BTK: variants seen among roughly 807,000 people sequenced by gnomAD.
BTK encodes the protein tyrosine-protein kinase BTK.
A neutral mutation model predicts 57.4 loss-of-function variants in BTK; 5 were observed. The ratio of observed to expected loss-of-function variants is 0.09; its 90% CI spans 0.05 to 0.18. The LOEUF (loss-of-function observed/expected upper bound fraction) is 0.18. Among genes scored for constraint, BTK ranks in the 10% least tolerant of loss-of-function variants. BTK has a pLI of 1.00. For synonymous variants in BTK, 154 were observed against 174.3 expected (o/e 0.88, Z 0.92); for missense variants, 194 against 501.2 (o/e 0.39, Z 5.85).
Position 101,349,620 on chromosome X carries a change from C to T in BTK, c.*265G>A, listed in dbSNP as rs1926205331. Reference sequence around the variant, plus strand: ...CCTTTGTGCGGCTATTTACATCCTCCCTCCTAAAAAATATTTTCATCGCAA... The same window carrying T: ...CCTTTGTGCGGCTATTTACATCCTCTCTCCTAAAAAATATTTTCATCGCAA... On this transcript the variant is annotated 3_prime_UTR_variant, in exon 19 of 19. Coordinates refer to ENST00000308731, the MANE Select transcript of BTK (RefSeq NM_000061.3). 1 of 350,753 alleles carries T rather than the reference C, an allele frequency of 2.9e-6. No homozygotes were observed. The highest frequency in any genetic ancestry group is 2.6e-5 in the African/African-American group (1 of 38,861). 28.9% of individuals were successfully genotyped at this position (350,753 alleles called of 1,213,427 possible).
At chrX:101,388,043 T>C (rs1172462780), upstream of BTK, among the ~76,000 whole-genome samples, 6 of 110,865 alleles carry the variant, frequency 5.4e-5, no homozygotes, top group East Asian at 1.7e-3. Context: ...ATTTTTTGTA[T>C]TTTTAGTAGA....
intron 1 of BTK, among the ~76,000 whole-genome samples, chrX:101,385,216 C>T (rs1555982338): frequency 1.8e-5 from 2 of 110,586 alleles, no homozygotes; most frequent in African/African-American, 6.6e-5. Flanking sequence ...TGGTAATCAA[C>T]AGAACAGAGG....
chrX:101,358,538 G>A, intron 11 of BTK, 79 bp downstream of exon 11: 1 of 1,175,276 alleles, frequency 8.5e-7, no homozygotes, highest in Non-Finnish European at 1.2e-6. Flanking sequence ...AGAGGAAGTG[G>A]GACGGGCACA....
intron 15 of BTK, chrX:101,355,601 C>G (rs577736799): frequency 8.6e-6 from 1 of 116,757 alleles, no homozygotes; most frequent in Admixed American, 8.6e-5. Context: ...TTTTTTTAAG[C>G]GAAATGTTTC....
At chrX:101,365,789 G>C (rs782258038) in intron 5 of BTK, among the ~76,000 whole-genome samples, 1 of 112,081 alleles carries the variant, frequency 8.9e-6, no homozygotes, top group Non-Finnish European at 1.9e-5. Flanking sequence ...ATTAGGATAG[G>C]TTCTATTGAG....
intron 1 of BTK, among the ~76,000 whole-genome samples, chrX:101,382,238 C>T (rs1314412153): frequency 9.1e-6 from 1 of 110,425 alleles, no homozygotes; most frequent in South Asian, 3.8e-4. Flanking sequence ...TGCATGCTGA[C>T]CAGGGAAACT....
chrX:101,354,010 T>A (rs1474518992), intron 16 of BTK, 22 bp from the exon 17 acceptor site: 15 of 1,106,296 alleles, frequency 1.4e-5, no homozygotes, highest in Non-Finnish European at 1.9e-5. Flanking sequence ...TCAGGACTTG[T>A]TGCATTAGGA....
At chrX:101,389,824 T>C (rs1474336449), upstream of BTK, among the ~76,000 whole-genome samples, 2 of 111,993 alleles carry the variant, frequency 1.8e-5, no homozygotes, top group African/African-American at 3.2e-5. Context: ...AAACTTAACA[T>C]CTCTTGTGCC....
upstream of BTK, among the ~76,000 whole-genome samples, chrX:101,389,126 C>A (rs782708062): frequency 9.0e-6 from 1 of 111,489 alleles, no homozygotes; most frequent in African/African-American, 3.3e-5. Context: ...GTCCTCACCA[C>A]CCCCATGGTA....
At position 101,385,683 on chromosome X, in the gene BTK, G is replaced by A. The variant is rs140326970; in HGVS notation, c.-31+379C>T. Among the ~76,000 whole-genome samples the A allele has an allele frequency of 7.1e-3, 800 of 112,484 alleles. 6 individuals carry two copies. Among genetic ancestry groups the A allele is most frequent in the African/African-American group, 0.024 (755 of 30,969 alleles). On this transcript the variant is annotated intron_variant, in intron 1 of 18. Coordinates refer to ENST00000308731, the MANE Select transcript of BTK (RefSeq NM_000061.3). Reference sequence around the variant, plus strand: ...TTTTCTAAAGGCTTCATTGACCCATGTATCCCTATTGAGTCTTCAAGCACT... The same window carrying A: ...TTTTCTAAAGGCTTCATTGACCCATATATCCCTATTGAGTCTTCAAGCACT...
chrX:101,355,817 G>T (rs955479026), intron 15 of BTK: 9 of 433,310 alleles, frequency 2.1e-5, no homozygotes, highest in Non-Finnish European at 3.3e-5. Flanking sequence ...GGGTGGTAGG[G>T]GGTTGGGAGT....
intron 7 of BTK, among the ~76,000 whole-genome samples, chrX:101,361,524 A>C (rs1555978644): frequency 9.0e-6 from 1 of 110,693 alleles, no homozygotes; most frequent in Non-Finnish European, 1.9e-5. Context: ...AAAAAAAAAA[A>C]AAAACTTCTG....
Position 101,353,224 on chromosome X carries a change from T to C in BTK, c.1878A>G (p.Val626=). The C allele has an allele frequency of 1.7e-6, 2 of 1,211,101 alleles. No homozygotes were observed. Among genetic ancestry groups the C allele is most frequent in the Non-Finnish European group, 1.1e-6 (1 of 895,102 alleles). ...LYRPHLASEK[V]YTIMYSCWHE... ...GCCAGCAACTGTACATGATGGTATA[T>C]ACCTTCTCTGAAGCCAGATGAGGCC... Residue 626 remains valine (V), a synonymous_variant, in exon 18 of 19, where the codon GTA becomes GTG. Transcript: ENST00000308731.
In BTK at chrX:101,353,954, C is replaced by T. The variant is rs1163361343; in HGVS notation, c.1666G>A (p.Gly556Ser). ...VLDDEYTSSV[G>S]SKFPVRWSPP... ...GACCACCGGACTGGAAATTTGGAGC[C>T]TACTGAGCTTGTGTATTCATCATCC... The change falls in exon 17 of 19, where the codon GGC (glycine) becomes AGC (serine). Residue 556 changes from glycine to serine, a missense_variant. Physicochemically the swap from Gly to Ser is moderately conservative, Grantham distance 56. Coordinates refer to ENST00000308731, the MANE Select transcript of BTK (RefSeq NM_000061.3). The T allele has an allele frequency of 2.5e-6, 3 of 1,208,965 alleles. No homozygotes were observed. The highest frequency in any genetic ancestry group is 2.2e-6 in the Non-Finnish European group (2 of 893,898).
chrX:101,353,834 T>G, intron 17 of BTK, 36 bp downstream of exon 17: 2 of 1,052,773 alleles, frequency 1.9e-6, no homozygotes, highest in Non-Finnish European at 2.7e-6. Flanking sequence ...TTCTTATCCT[T>G]TGAGCTGTAT....
intron 11 of BTK, 50 bp from the exon 12 acceptor site, chrX:101,358,487 A>G: frequency 2.5e-6 from 3 of 1,207,688 alleles, no homozygotes; most frequent in African/African-American, 3.5e-5. Flanking sequence ...GGTCAACAGA[A>G]CCCAGGAAGT....
Position 101,371,630 on chromosome X carries a change from C to T in BTK, c.309+3G>A. The stretch of plus-strand genomic sequence containing the variant: ...CGAGATTTGGTGAGAGAAAATAACT[C>T]ACCTGGAAGGGATAAGGGAACCTTT... On this transcript the variant is annotated splice_donor_region_variant and intron_variant, in intron 4 of 18. Coordinates refer to ENST00000308731, the MANE Select transcript of BTK (RefSeq NM_000061.3). The T allele has an allele frequency of 8.3e-7, 1 of 1,207,922 alleles. No homozygotes were observed. Among genetic ancestry groups the T allele is most frequent in the Non-Finnish European group, 1.1e-6 (1 of 892,022 alleles).
At chrX:101,371,322 T>C (rs3027630) in intron 4 of BTK, among the ~76,000 whole-genome samples, 8 of 112,327 alleles carry the variant, frequency 7.1e-5, no homozygotes, top group Non-Finnish European at 1.3e-4. Context: ...CAGAAGGAAG[T>C]GAAATGCTCA....
chrX:101,362,452 A>G (rs969985258), intron 6 of BTK, 109 bp downstream of exon 6: 14 of 1,132,635 alleles, frequency 1.2e-5, no homozygotes, highest in Non-Finnish European at 1.6e-5. Context: ...CCCTTTGTTT[A>G]GCACCCAAAG....
Sources: gnomAD v4.1 joint callset for allele counts (sites outside exome capture counted in the v4.1 genomes callset) on GRCh38, gnomAD v4.1.1 for gene constraint, MANE v1.5 for transcripts, NCBI Gene and HGNC (gene_info 2026-07-23, HGNC 2026-07-21) for gene names.